The following CSMD3 variants were observed in gnomAD, a reference collection of about 807,000 sequenced individuals.
CSMD3 encodes the protein CUB and sushi domain-containing protein 3.
Under a neutral mutation model 435.2 loss-of-function variants are expected in CSMD3, and 177 were observed. That is an observed-to-expected ratio of 0.41 (90% CI 0.36 to 0.46). The LOEUF (loss-of-function observed/expected upper bound fraction) is 0.46. Ranked by LOEUF, CSMD3 falls within the 20% of genes least tolerant of loss-of-function variation. The pLI, the probability that CSMD3 is intolerant of heterozygous loss-of-function variation, is 0.34. For missense variants in CSMD3, 4,265 were observed against 4,504.6 expected (o/e 0.95, Z 1.52); for synonymous variants, 1,656 against 1,520.5 (o/e 1.09, Z -2.07).
chr8:113,339,886 C>T (rs769502881), intron 1 of CSMD3, among the ~76,000 whole-genome samples: 65 of 151,942 alleles, frequency 4.3e-4, no homozygotes, highest in Non-Finnish European at 8.4e-4. Flanking sequence ...ATGCTCACAC[C>T]GTAAATTATA....
chr8:112,782,298 C>G (rs1419807577), intron 13 of CSMD3, among the ~76,000 whole-genome samples: 2 of 151,964 alleles, frequency 1.3e-5, no homozygotes, highest in African/African-American at 4.8e-5. Flanking sequence ...AATTGACATA[C>G]TGAAGAATGC....
At chr8:113,192,643 C>A (rs1432705793) in intron 3 of CSMD3, among the ~76,000 whole-genome samples, 1 of 151,470 alleles carries the variant, frequency 6.6e-6, no homozygotes, top group Non-Finnish European at 1.5e-5. Flanking sequence ...TACATTTAAA[C>A]CCTATCGAGT....
In CSMD3 at chr8:112,227,966, T is replaced by C. The variant is rs1408806035; in HGVS notation, c.10964+790A>G. 5.3e-5 allele frequency among the ~76,000 whole-genome samples: 8 copies of C among 152,108 alleles called. No homozygotes were observed. The East Asian group carries it at 7.8e-4, about 15-fold the overall frequency. On this transcript the variant is annotated intron_variant, in intron 70 of 70. Transcript: ENST00000297405. ...CTGAAGCAGGAGAGTGGCGTGAACC[T>C]GGGAGGCAGATGTTACAGTGAGCCG... is the stretch of plus-strand genomic sequence containing the variant.
At chr8:113,225,502 A>T (rs562185109) in intron 3 of CSMD3, among the ~76,000 whole-genome samples, 2 of 151,720 alleles carry the variant, frequency 1.3e-5, no homozygotes, top group African/African-American at 4.8e-5. Flanking sequence ...AAATTAACAC[A>T]GGAACAGAAA....
chr8:113,339,611 T>C (rs570028950), intron 1 of CSMD3, among the ~76,000 whole-genome samples: 1 of 152,128 alleles, frequency 6.6e-6, no homozygotes, highest in South Asian at 2.1e-4. Context: ...TCTTCTTTTA[T>C]TGGGTGAATG....
chr8:112,418,207 C>T (rs1050237159), intron 32 of CSMD3, among the ~76,000 whole-genome samples: 1 of 152,072 alleles, frequency 6.6e-6, no homozygotes, highest in Non-Finnish European at 1.5e-5. Context: ...GTAACACAAG[C>T]TCTTATAATG....
At chr8:113,434,095 C>T (rs889686208) in intron 1 of CSMD3, among the ~76,000 whole-genome samples, 7 of 152,188 alleles carry the variant, frequency 4.6e-5, no homozygotes, top group Non-Finnish European at 7.3e-5. Context: ...TCTTACACTC[C>T]GAGGCGTTTC....
At chr8:112,353,751 A>G (rs555659611) in intron 38 of CSMD3, among the ~76,000 whole-genome samples, 3 of 152,272 alleles carry the variant, frequency 2.0e-5, no homozygotes, top group Admixed American at 1.3e-4. Flanking sequence ...GACCAGATGG[A>G]TTTATGGCTG....
chr8:113,303,312 A>G (rs1372268138), intron 2 of CSMD3, among the ~76,000 whole-genome samples: 1 of 144,350 alleles, frequency 6.9e-6, no homozygotes, highest in Admixed American at 7.0e-5. Flanking sequence ...GGAAGAATCA[A>G]TATCGTGAAA....
In CSMD3 at chr8:112,354,443, G is replaced by C. The variant is rs1238211214; in HGVS notation, c.6137-1909C>G. ...CACTGACAACATGATTTTATACTTG[G>C]AAGACCATAAAGAATCTGCCAAAAG... On this transcript the variant is annotated intron_variant, in intron 38 of 70. Transcript: ENST00000297405. Among the ~76,000 whole-genome samples the C allele has an allele frequency of 2.6e-5, 4 of 152,130 alleles. No individual in the cohort carries two copies. The East Asian group carries it at 7.7e-4, about 29-fold the overall frequency.
intron 1 of CSMD3, among the ~76,000 whole-genome samples, chr8:113,412,168 G>A (rs1295028080): frequency 2.0e-5 from 3 of 152,052 alleles, no homozygotes; most frequent in African/African-American, 4.8e-5. Context: ...TGTTTATTAA[G>A]TCAATCTCTG....
At chr8:112,809,403 A>G (rs2079167951) in intron 12 of CSMD3, among the ~76,000 whole-genome samples, 1 of 152,214 alleles carries the variant, frequency 6.6e-6, no homozygotes, top group African/African-American at 2.4e-5. Flanking sequence ...CCAGCACCTC[A>G]GAAGAATTTG....
intron 32 of CSMD3, among the ~76,000 whole-genome samples, chr8:112,459,205 A>T (rs1474371757): frequency 1.3e-5 from 2 of 151,990 alleles, no homozygotes; most frequent in African/African-American, 4.8e-5. Context: ...TCATCCTTCG[A>T]TTTTCAGCAT....
At chr8:112,589,856 T>C (rs1831029060) in intron 22 of CSMD3, among the ~76,000 whole-genome samples, 1 of 152,136 alleles carries the variant, frequency 6.6e-6, no homozygotes, top group Admixed American at 6.6e-5. Flanking sequence ...AAGTTATCTG[T>C]CAGCCATAGT....
At chr8:113,417,126 G>A (rs2129886820) in intron 1 of CSMD3, among the ~76,000 whole-genome samples, 1 of 152,142 alleles carries the variant, frequency 6.6e-6, no homozygotes, top group East Asian at 1.9e-4. Context: ...ACAGGCAATG[G>A]TGCCTCTAAG....
intron 32 of CSMD3, among the ~76,000 whole-genome samples, chr8:112,457,919 C>A (rs1817004621): frequency 6.6e-6 from 1 of 151,826 alleles, no homozygotes; most frequent in Non-Finnish European, 1.5e-5. Context: ...TAAGCTAATA[C>A]CTTGGTAAAT....
chr8:112,899,296 T>C (rs1186824833), intron 10 of CSMD3, among the ~76,000 whole-genome samples: 1 of 150,744 alleles, frequency 6.6e-6, no homozygotes, highest in African/African-American at 2.4e-5. Context: ...AAAAAGGCAT[T>C]CATGGCTCTA....
intron 67 of CSMD3, 91 bp downstream of exon 67, chr8:112,237,099 T>C (rs1813657325): frequency 1.4e-6 from 2 of 1,390,862 alleles, no homozygotes; most frequent in Non-Finnish European, 2.0e-6. Flanking sequence ...AATAAACATT[T>C]CACCATATAA....
chr8:113,420,218 A>G (rs1413670661), intron 1 of CSMD3, among the ~76,000 whole-genome samples: 1 of 152,194 alleles, frequency 6.6e-6, no homozygotes, highest in Non-Finnish European at 1.5e-5. Context: ...CCCACATCAT[A>G]TCAAACAAAA....
Sources: allele counts gnomAD v4.1 joint callset (sites outside exome capture counted in the v4.1 genomes callset), GRCh38; gene constraint gnomAD v4.1.1; transcripts MANE v1.5; gene names NCBI Gene and HGNC (gene_info 2026-07-23, HGNC 2026-07-21).